Variants in ITFG1 observed in about 807,000 individuals in gnomAD.
The protein encoded by ITFG1 is T-cell immunomodulatory protein.
A neutral mutation model predicts 81.8 loss-of-function variants in ITFG1; 34 were observed. That is an observed-to-expected ratio of 0.42 (90% CI 0.32 to 0.55). The LOEUF is 0.55. Among genes scored for constraint, ITFG1 ranks in the 20% least tolerant of loss-of-function variants. The pLI is 0.17. For missense variants in ITFG1, 672 were observed against 755.4 expected (o/e 0.89, Z 1.29); for synonymous variants, 285 against 270.6 (o/e 1.05, Z -0.52).
Position 47,180,598 on chromosome 16 carries a change from T to A in ITFG1, c.1454-17934A>T, listed in dbSNP as rs931301182. Among the ~76,000 whole-genome samples the A allele has an allele frequency of 7.9e-5, 12 of 152,186 alleles. 1 individual carries two copies. Among genetic ancestry groups the A allele is most frequent in the African/African-American group, 2.9e-4 (12 of 41,418 alleles). On this transcript the variant is annotated intron_variant, in intron 14 of 17. Coordinates refer to ENST00000320640, the MANE Select transcript of ITFG1 (RefSeq NM_030790.5). ...TGGGGTTTCGCTGTGTTGGCCAGGC[T>A]GGTCTCCAGCTCCTAACCGTGAGTG... is the stretch of plus-strand genomic sequence containing the variant.
chr16:47,181,261 G>A (rs979604610), intron 14 of ITFG1, among the ~76,000 whole-genome samples: 3 of 150,620 alleles, frequency 2.0e-5, no homozygotes, highest in South Asian at 2.1e-4. Context: ...CCCTCCGCCC[G>A]GCAGCCACCC....
chr16:47,453,257 T>C (rs1385994296), intron 3 of ITFG1, among the ~76,000 whole-genome samples: 1 of 152,240 alleles, frequency 6.6e-6, no homozygotes, highest in Non-Finnish European at 1.5e-5. Context: ...TCCCAAATGG[T>C]GCAGAAAACA....
At chr16:47,220,339 G>C (rs1281136957) in intron 13 of ITFG1, among the ~76,000 whole-genome samples, 1 of 152,206 alleles carries the variant, frequency 6.6e-6, no homozygotes, top group Non-Finnish European at 1.5e-5. Flanking sequence ...GTTAACATTT[G>C]TATTAATAGA....
chr16:47,419,587 G>A (rs1262492550), intron 6 of ITFG1, among the ~76,000 whole-genome samples: 2 of 148,810 alleles, frequency 1.3e-5, no homozygotes. Context: ...CACTTTCACG[G>A]CCTTACTTCA....
chr16:47,374,430 G>C (rs773224947), intron 7 of ITFG1, among the ~76,000 whole-genome samples: 1 of 151,960 alleles, frequency 6.6e-6, no homozygotes, highest in African/African-American at 2.4e-5. Context: ...GTTTAAATCA[G>C]CCTAGACTGA....
intron 13 of ITFG1, among the ~76,000 whole-genome samples, chr16:47,227,308 G>T (rs543437564): frequency 6.6e-6 from 1 of 152,154 alleles, no homozygotes; most frequent in Non-Finnish European, 1.5e-5. Flanking sequence ...GAGTATTGCT[G>T]TATCTTTCAC....
At chr16:47,180,999 A>G (rs1019544635) in intron 14 of ITFG1, among the ~76,000 whole-genome samples, 7 of 129,752 alleles carry the variant, frequency 5.4e-5, no homozygotes, top group Non-Finnish European at 1.1e-4. Context: ...CTGGCTGCCC[A>G]GTCTGGAAAG....
intron 13 of ITFG1, among the ~76,000 whole-genome samples, 176 bp from the exon 14 acceptor site, chr16:47,219,122 A>C (rs1203234825): frequency 1.3e-5 from 2 of 152,174 alleles, no homozygotes; most frequent in Non-Finnish European, 2.9e-5. Context: ...TAGTGTTAAA[A>C]AATAATAAAC....
At chr16:47,354,887 T>C (rs555550947) in intron 8 of ITFG1, among the ~76,000 whole-genome samples, 1 of 152,002 alleles carries the variant, frequency 6.6e-6, no homozygotes, top group East Asian at 1.9e-4. Flanking sequence ...TGAAAAACGA[T>C]AGCAAGTGTT....
At chr16:47,321,673 C>T (rs1336830314) in intron 8 of ITFG1, among the ~76,000 whole-genome samples, 1 of 152,094 alleles carries the variant, frequency 6.6e-6, no homozygotes, top group African/African-American at 2.4e-5. Context: ...GCACTCCAGC[C>T]TGGACAACAC....
At chr16:47,324,827 C>A (rs1165264488) in intron 8 of ITFG1, among the ~76,000 whole-genome samples, 1 of 152,156 alleles carries the variant, frequency 6.6e-6, no homozygotes, top group Non-Finnish European at 1.5e-5. Context: ...CACCCAGATT[C>A]ATAAAACAAG....
rs541457105 is a variant in ITFG1 at position 47,262,380 on chromosome 16, T to A, written c.1071-1685A>T. Among the ~76,000 whole-genome samples, 19 of 152,350 alleles carry A rather than the reference T, an allele frequency of 1.2e-4. No individual in the cohort carries two copies. The East Asian group carries it at 3.3e-3, about 26-fold the overall frequency. ...TTAAAATTCTAATTTATAAAAATTT[T>A]TCCTGGTAACTTACCCATCCTACCC... On this transcript the variant is annotated intron_variant, in intron 10 of 17. Transcript: ENST00000320640.
intron 14 of ITFG1, among the ~76,000 whole-genome samples, chr16:47,163,914 TACACACACACAC>T (rs56117889): frequency 1.4e-4 from 19 of 139,422 alleles, no homozygotes; most frequent in Non-Finnish European, 1.9e-4. Context: ...GAAGCTCAAC[TACACACACACAC>T]ACACACACAC....
chr16:47,356,817 G>A (rs1011719063), intron 8 of ITFG1, among the ~76,000 whole-genome samples: 6 of 152,154 alleles, frequency 3.9e-5, no homozygotes, highest in Admixed American at 2.6e-4. Context: ...GAAGTCAGAC[G>A]TGTTTGAAAA....
chr16:47,400,487 C>CA (rs1422786859), intron 6 of ITFG1, among the ~76,000 whole-genome samples: 2 of 150,852 alleles, frequency 1.3e-5, no homozygotes, highest in African/African-American at 4.9e-5. Flanking sequence ...CACACACACA[C>CA]ACCACTAGAC....
At chr16:47,367,070 C>T (rs894828139) in intron 7 of ITFG1, among the ~76,000 whole-genome samples, 3 of 152,186 alleles carry the variant, frequency 2.0e-5, no homozygotes, top group African/African-American at 4.8e-5. Flanking sequence ...CACACCACCC[C>T]CTCTTTGGAT....
intron 5 of ITFG1, among the ~76,000 whole-genome samples, chr16:47,440,482 C>T (rs577501017): frequency 1.3e-5 from 2 of 152,322 alleles, no homozygotes; most frequent in African/African-American, 2.4e-5. Flanking sequence ...TTATAACAAA[C>T]TGTCTCTCAG....
chr16:47,371,213 G>A (rs1010284063), intron 7 of ITFG1, among the ~76,000 whole-genome samples: 2 of 152,218 alleles, frequency 1.3e-5, no homozygotes, highest in Non-Finnish European at 2.9e-5. Flanking sequence ...CAGCTCCACT[G>A]TTTGCTAGCC....
At chr16:47,406,192 C>T (rs114713483) in intron 6 of ITFG1, among the ~76,000 whole-genome samples, 4 of 152,070 alleles carry the variant, frequency 2.6e-5, no homozygotes, top group African/African-American at 4.8e-5. Context: ...CATTTAGAAG[C>T]GATTTATATG....
Sources: gnomAD v4.1 joint callset for allele counts (sites outside exome capture counted in the v4.1 genomes callset) on GRCh38, gnomAD v4.1.1 for gene constraint, MANE v1.5 for transcripts, NCBI Gene and HGNC (gene_info 2026-07-23, HGNC 2026-07-21) for gene names.